NTM: variants seen among roughly 807,000 people sequenced by gnomAD.
NTM encodes the protein neurotrimin.
In NTM, 13 loss-of-function variants were observed where a neutral mutation model predicts 42.1. That is an observed-to-expected ratio of 0.31 (90% CI 0.20 to 0.49). NTM has a LOEUF of 0.49. NTM is among the 20% of genes least tolerant of loss of function. The pLI, the probability that NTM is intolerant of heterozygous loss-of-function variation, is 0.99. For missense variants in NTM, 373 were observed against 452.8 expected (o/e 0.82, Z 1.60); for synonymous variants, 187 against 179.2 (o/e 1.04, Z -0.35).
chr11:131,453,745 C>T (rs1363073346), intron 1 of NTM, among the ~76,000 whole-genome samples: 2 of 152,190 alleles, frequency 1.3e-5, no homozygotes, highest in Non-Finnish European at 1.5e-5. Flanking sequence ...AAGCAGGAGC[C>T]ATTTGCCATC....
At chr11:131,636,346 C>T (rs950948775) in intron 1 of NTM, among the ~76,000 whole-genome samples, 1 of 152,126 alleles carries the variant, frequency 6.6e-6, no homozygotes, top group African/African-American at 2.4e-5. Context: ...CAGATTCGTT[C>T]CAGGACCCCC....
intron 1 of NTM, among the ~76,000 whole-genome samples, chr11:131,815,637 C>G (rs1353990377): frequency 6.6e-6 from 1 of 152,198 alleles, no homozygotes; most frequent in Non-Finnish European, 1.5e-5. Context: ...TTCCCCCCTC[C>G]TGCTGCCCGC....
intron 2 of NTM, among the ~76,000 whole-genome samples, chr11:132,015,272 C>A (rs937394818): frequency 2.0e-5 from 3 of 151,992 alleles, no homozygotes; most frequent in Non-Finnish European, 4.4e-5. Flanking sequence ...TATGCCAATA[C>A]CATGCTGTTT....
chr11:131,983,821 C>T (rs984427674), intron 2 of NTM, among the ~76,000 whole-genome samples: 2 of 152,172 alleles, frequency 1.3e-5, no homozygotes, highest in Non-Finnish European at 1.5e-5. Flanking sequence ...ACTCAGGGAT[C>T]CAGGCTAACC....
chr11:131,901,694 A>G (rs1045859291), intron 1 of NTM, among the ~76,000 whole-genome samples: 1 of 152,192 alleles, frequency 6.6e-6, no homozygotes, highest in Non-Finnish European at 1.5e-5. Context: ...CACTTTTCTA[A>G]AAGGTATCTG....
chr11:132,168,283 C>G (rs1566360749), intron 3 of NTM, among the ~76,000 whole-genome samples: 1 of 152,212 alleles, frequency 6.6e-6, no homozygotes, highest in Admixed American at 6.5e-5. Flanking sequence ...TTCTTTTCCT[C>G]TCATTTCTCC....
rs184184705 is a variant in NTM, at chr11:131,989,948, G to A, written c.167+78300G>A. Among the ~76,000 whole-genome samples the A allele has an allele frequency of 1.8e-3, 277 of 152,104 alleles. 1 individual carries two copies. Among genetic ancestry groups the A allele is most frequent in the African/African-American group, 6.3e-3 (262 of 41,510 alleles). On this transcript the variant is annotated intron_variant, in intron 2 of 8. Coordinates refer to ENST00000683400, the MANE Select transcript of NTM (RefSeq NM_001352005.2). ...AAATGGCCAAAACTGATGTCAGTGG[G>A]GATAGTAATGTAATTCTTTCATGCA... is the stretch of plus-strand genomic sequence containing the variant.
At chr11:131,747,512 C>T (rs1029280316) in intron 1 of NTM, among the ~76,000 whole-genome samples, 4 of 152,200 alleles carry the variant, frequency 2.6e-5, no homozygotes, top group Non-Finnish European at 4.4e-5. Context: ...GCTGGACTCT[C>T]GGCCTTCGTT....
chr11:131,888,399 C>G (rs1353358146), intron 1 of NTM, among the ~76,000 whole-genome samples: 1 of 152,220 alleles, frequency 6.6e-6, no homozygotes, highest in East Asian at 1.9e-4. Context: ...TCATTCCCCT[C>G]CAGCTCATGA....
At chr11:132,314,858 GGAGA>G (rs1343007482) in intron 7 of NTM, 155 bp downstream of exon 7, 8 of 1,384,840 alleles carry the variant, frequency 5.8e-6, no homozygotes, top group Non-Finnish European at 4.7e-6. Context: ...AGAAAGAAAT[GGAGA>G]GAGAGGGACA....
At chr11:132,011,621 A>C (rs990750784) in intron 2 of NTM, among the ~76,000 whole-genome samples, 1 of 152,180 alleles carries the variant, frequency 6.6e-6, no homozygotes, top group African/African-American at 2.4e-5. Flanking sequence ...TTCTTATAAC[A>C]ATTCTATGAC....
intron 4 of NTM, among the ~76,000 whole-genome samples, chr11:132,302,615 T>G (rs2094908344): frequency 6.6e-6 from 1 of 152,198 alleles, no homozygotes; most frequent in African/African-American, 2.4e-5. Flanking sequence ...TTTAAAATTA[T>G]GTAAACTGGT....
At chr11:132,190,516 T>C (rs1200212434) in intron 3 of NTM, among the ~76,000 whole-genome samples, 3 of 151,838 alleles carry the variant, frequency 2.0e-5, no homozygotes, top group African/African-American at 7.3e-5. Flanking sequence ...GGCAGGTGGA[T>C]TGTGAGGTCA....
chr11:132,225,506 T>G (rs1024992515), intron 4 of NTM, among the ~76,000 whole-genome samples: 1 of 152,030 alleles, frequency 6.6e-6, no homozygotes, highest in Admixed American at 6.6e-5. Context: ...GGAATGCATT[T>G]GGTGCGTATG....
In NTM at chr11:132,325,945, C is replaced by T. The variant is rs561729928; in HGVS notation, c.935-4208C>T. On this transcript the variant is annotated intron_variant, in intron 7 of 8. Coordinates refer to ENST00000683400, the MANE Select transcript of NTM (RefSeq NM_001352005.2). ...AAAAACCAAACACCGCGTGTTCTCA[C>T]TCATAGGTGGGAATTGAACAATGAG... Among the ~76,000 whole-genome samples the T allele has an allele frequency of 5.2e-3, 794 of 151,600 alleles. 5 individuals are homozygous for T. Among genetic ancestry groups the T allele is most frequent in the African/African-American group, 0.018 (762 of 41,252 alleles).
intron 1 of NTM, among the ~76,000 whole-genome samples, chr11:131,565,092 C>G (rs1381923595): frequency 1.3e-5 from 2 of 152,220 alleles, no homozygotes; most frequent in Non-Finnish European, 2.9e-5. Flanking sequence ...AACAGCACTT[C>G]TGAGGGAGCT....
At chr11:131,500,565 AT>A (rs2046630604) in intron 1 of NTM, among the ~76,000 whole-genome samples, 1 of 26,210 alleles carries the variant, frequency 3.8e-5, no homozygotes, top group Non-Finnish European at 6.2e-5. Flanking sequence ...ATATATATAT[AT>A]ATATATATAT....
intron 2 of NTM, among the ~76,000 whole-genome samples, chr11:131,948,185 C>A (rs1003612359): frequency 2.6e-5 from 4 of 151,784 alleles, no homozygotes; most frequent in Non-Finnish European, 5.9e-5. Flanking sequence ...CACAGTGAAA[C>A]CCCGTCTCTA....
intron 2 of NTM, among the ~76,000 whole-genome samples, chr11:132,049,329 G>A (rs1044630006): frequency 1.3e-5 from 2 of 152,288 alleles, no homozygotes; most frequent in Admixed American, 1.3e-4. Context: ...ACACTTCCTA[G>A]GAGAAAGGCA....
Sources: gnomAD v4.1 joint callset for allele counts (sites outside exome capture counted in the v4.1 genomes callset) on GRCh38, gnomAD v4.1.1 for gene constraint, MANE v1.5 for transcripts, NCBI Gene and HGNC (gene_info 2026-07-23, HGNC 2026-07-21) for gene names.